ASIC5: variants seen among roughly 807,000 people sequenced by gnomAD.
The protein encoded by ASIC5 is bile acid-sensitive ion channel.
Under a neutral mutation model 51.2 loss-of-function variants are expected in ASIC5, and 52 were observed. That is an observed-to-expected ratio of 1.02 (90% CI 0.81 to 1.28). The LOEUF is 1.28. Ranked by LOEUF, ASIC5 falls within the 50% of genes most tolerant of loss-of-function variation. The probability of loss-of-function intolerance (pLI) is 0.00; values close to 1 mark genes in which losing one functional copy is unlikely to be tolerated. For synonymous variants in ASIC5, 231 were observed against 200.7 expected, an observed-to-expected ratio of 1.15 and a Z score of -1.28; for missense variants, 635 against 595.0, an observed-to-expected ratio of 1.07 and a Z score of -0.70.
At chr4:155,861,086 C>T (rs1209882169) in intron 2 of ASIC5, among the ~76,000 whole-genome samples, 1 of 151,840 alleles carries the variant, frequency 6.6e-6, no homozygotes, top group Non-Finnish European at 1.5e-5. Context: ...TTATTGACCT[C>T]TAATTTTATT....
rs144490432 is a variant in ASIC5, at chr4:155,859,181, T to G, written c.347+4267A>C. ...CTTTGGCATCGTGAGTTGGGGGTCC[T>G]GAGATTTTATTTTACTTTCACAACT... On this transcript the variant is annotated intron_variant, in intron 2 of 9. Coordinates refer to ENST00000537611, the MANE Select transcript of ASIC5 (RefSeq NM_017419.3). Among the ~76,000 whole-genome samples the G allele has an allele frequency of 1.1e-4, 16 of 152,148 alleles. No homozygotes were observed. The East Asian group carries it at 2.9e-3, about 28-fold the overall frequency.
intron 2 of ASIC5, among the ~76,000 whole-genome samples, chr4:155,858,504 A>T (rs1741605181): frequency 6.6e-6 from 1 of 152,112 alleles, no homozygotes; most frequent in East Asian, 1.9e-4. Context: ...TTTCTGTGTA[A>T]AACTAAAGAA....
At chr4:155,862,232 C>T (rs1514010) in intron 2 of ASIC5, among the ~76,000 whole-genome samples, 145,431 of 152,118 alleles carry the variant, frequency 0.96, 69,697 homozygotes, top group East Asian at 1. Flanking sequence ...TGATTTGTTT[C>T]GACTGTTAGG....
chr4:155,865,383 G>T (rs1266735861), intron 1 of ASIC5, among the ~76,000 whole-genome samples: 1 of 152,038 alleles, frequency 6.6e-6, no homozygotes, highest in Non-Finnish European at 1.5e-5. Flanking sequence ...GCTCTTTTGT[G>T]TATTCTTTAG....
Position 155,842,350 on chromosome 4 carries a change from A to G in ASIC5, c.866T>C (p.Val289Ala). The G allele has an allele frequency of 1.2e-6, 2 of 1,611,952 alleles. No homozygotes were observed. The highest frequency in any genetic ancestry group is 1.1e-5 in the South Asian group (1 of 90,842). Residue 289 changes from valine to alanine, a missense_variant, in exon 6 of 10, where the codon GTT becomes GCT. Transcript: ENST00000537611. The part of the protein sequence containing the change: ...ARVTIRQVKT[V>A]HQEYPWGECN... Reference sequence around the variant, plus strand: ...TTCTCCCCAAGGGTATTCTTGATGAACTGTCTTAAGATAAGATAAATACTG... The same window carrying G: ...TTCTCCCCAAGGGTATTCTTGATGAGCTGTCTTAAGATAAGATAAATACTG...
intron 5 of ASIC5, 36 bp from the exon 6 acceptor site, chr4:155,842,390 G>T (rs1741140249): frequency 1.3e-6 from 2 of 1,482,604 alleles, no homozygotes; most frequent in Non-Finnish European, 1.8e-6. Flanking sequence ...CAGGAGATGT[G>T]TTTACATCAA....
At chr4:155,836,981 G>A in intron 7 of ASIC5, 124 bp from the exon 8 acceptor site, 1 of 645,204 alleles carries the variant, frequency 1.5e-6, no homozygotes. Context: ...ACAACAAATG[G>A]TGTTTACTCT....
intron 9 of ASIC5, among the ~76,000 whole-genome samples, chr4:155,830,837 AG>A (rs1174704494): frequency 6.6e-6 from 1 of 152,200 alleles, no homozygotes; most frequent in Non-Finnish European, 1.5e-5. Context: ...TTTCATAAAC[AG>A]ATTACATTAT....
chr4:155,842,948 C>G (rs903427972), intron 5 of ASIC5, among the ~76,000 whole-genome samples: 6 of 152,138 alleles, frequency 3.9e-5, no homozygotes, highest in Non-Finnish European at 8.8e-5. Flanking sequence ...GGCCACCACA[C>G]AGGAACATGA....
Position 155,854,506 on chromosome 4 carries a change from T to C in ASIC5, c.348-192A>G, listed in dbSNP as rs528689749. 2.6e-5 allele frequency among the ~76,000 whole-genome samples: 4 copies of C among 152,220 alleles called. No individual in the cohort carries two copies. The South Asian group carries it at 8.3e-4, about 32-fold the overall frequency. On this transcript the variant is annotated intron_variant, in intron 2 of 9. Coordinates refer to ENST00000537611, the MANE Select transcript of ASIC5 (RefSeq NM_017419.3). Reference sequence around the variant, plus strand: ...GTGCAATTAATCTTGTATTTGCACATGTAGTTTCATTTACCTAGAATATTC... The same window carrying C: ...GTGCAATTAATCTTGTATTTGCACACGTAGTTTCATTTACCTAGAATATTC...
In ASIC5 at chr4:155,847,409, G is replaced by A. The variant is rs368279262; in HGVS notation, c.712-3579C>T. Among the ~76,000 whole-genome samples, 12 of 152,026 alleles carry A rather than the reference G, an allele frequency of 7.9e-5. No homozygotes were observed. The East Asian group carries it at 1.4e-3, about 17-fold the overall frequency. On this transcript the variant is annotated intron_variant, in intron 4 of 9. Transcript: ENST00000537611. ...TAAATCCTCATCTTCAGGCCCCACA[G>A]CAGATTCCAATAAAAATAAAATGCA... is the stretch of plus-strand genomic sequence containing the variant.
chr4:155,832,970 G>A (rs1740903360), intron 8 of ASIC5, among the ~76,000 whole-genome samples: 1 of 151,990 alleles, frequency 6.6e-6, no homozygotes, highest in South Asian at 2.1e-4. Flanking sequence ...CCCTGACTCT[G>A]GCTTCCCCAC....
chr4:155,842,831 T>C (rs2111239297), intron 5 of ASIC5, among the ~76,000 whole-genome samples: 1 of 151,056 alleles, frequency 6.6e-6, no homozygotes, highest in Middle Eastern at 3.4e-3. Context: ...AATAGAAGGG[T>C]GAGGAAAATG....
At chr4:155,846,070 G>T (rs938062797) in intron 4 of ASIC5, among the ~76,000 whole-genome samples, 3 of 151,864 alleles carry the variant, frequency 2.0e-5, no homozygotes, top group African/African-American at 7.2e-5. Flanking sequence ...TTGGCTTAAA[G>T]AAAAATAAAA....
At chr4:155,862,844 T>G (rs1741748217) in intron 2 of ASIC5, among the ~76,000 whole-genome samples, 1 of 152,332 alleles carries the variant, frequency 6.6e-6, no homozygotes, top group South Asian at 2.1e-4. Flanking sequence ...CTTCCATTTC[T>G]TCTTCATCTC....
Position 155,842,064 on chromosome 4 carries a change from G to A in ASIC5, c.1009+143C>T, listed in dbSNP as rs1369933515. Reference sequence around the variant, plus strand: ...GAATATAATAATTTTTCTGTGAATGGGTCAGCAACATCTGTAATTACACTT... The same window carrying A: ...GAATATAATAATTTTTCTGTGAATGAGTCAGCAACATCTGTAATTACACTT... On this transcript the variant is annotated intron_variant, in intron 6 of 9. Transcript: ENST00000537611. The A allele has an allele frequency of 4.1e-6, 3 of 737,654 alleles. No individual in the cohort carries two copies. The African/African-American group carries it at 5.3e-5, about 13-fold the overall frequency. 45.7% of individuals were successfully genotyped at this position (737,654 alleles called of 1,614,324 possible).
intron 2 of ASIC5, chr4:155,854,733 G>T: frequency 6.0e-6 from 1 of 166,626 alleles, no homozygotes; most frequent in Admixed American, 6.1e-5. Flanking sequence ...TGTCGTGCAG[G>T]AGCTGTGGTA....
At chr4:155,859,646 A>C (rs1214146203) in intron 2 of ASIC5, among the ~76,000 whole-genome samples, 2 of 151,904 alleles carry the variant, frequency 1.3e-5, no homozygotes. Flanking sequence ...TTTTTTTCAA[A>C]AGAATTAGAG....
intron 8 of ASIC5, among the ~76,000 whole-genome samples, chr4:155,834,554 T>C (rs1282793514): frequency 2.0e-5 from 3 of 152,052 alleles, no homozygotes; most frequent in Non-Finnish European, 2.9e-5. Flanking sequence ...TTTAAAACCA[T>C]GTAAGGTCCC....
Sources: allele counts gnomAD v4.1 joint callset (sites outside exome capture counted in the v4.1 genomes callset), GRCh38; gene constraint gnomAD v4.1.1; transcripts MANE v1.5; gene names NCBI Gene and HGNC (gene_info 2026-07-23, HGNC 2026-07-21).